CABP1: variants seen among roughly 807,000 people sequenced by gnomAD.
CABP1 encodes calcium-binding protein 1.
A neutral mutation model predicts 34.3 loss-of-function variants in CABP1; 17 were observed. The ratio of observed to expected loss-of-function variants is 0.50; its 90% CI spans 0.34 to 0.74. CABP1 has a LOEUF of 0.74. Among genes scored for constraint, CABP1 ranks in the 30% least tolerant of loss-of-function variants. The pLI is 0.01. For missense variants in CABP1, 373 were observed against 511.1 expected (o/e 0.73, Z 2.61); for synonymous variants, 198 against 229.2 (o/e 0.86, Z 1.23).
In CABP1 at chr12:120,640,777, G is replaced by A; in HGVS notation, c.92G>A (p.Arg31His). The A allele has an allele frequency of 1.7e-6, 2 of 1,146,188 alleles. No homozygotes were observed. Among genetic ancestry groups the A allele is most frequent in the Non-Finnish European group, 2.1e-6 (2 of 933,644 alleles). 71.0% of individuals were successfully genotyped at this position (1,146,188 alleles called of 1,614,324 possible). The change falls in exon 1 of 6, where the codon CGT becomes CAT. Residue 31 changes from arginine (R) to histidine (H), a missense_variant. Transcript: ENST00000316803. This position sits in a 1 kb window ranked among gnomAD's most constrained non-coding sequence, Gnocchi z 6.2. Reference sequence around the variant, plus strand: ...GGGCTTGGCTCCCGCCGGGAGCCCCGTTCTCTGCCCGCCGGGGGCCCCGCG... The same window carrying A: ...GGGCTTGGCTCCCGCCGGGAGCCCCATTCTCTGCCCGCCGGGGGCCCCGCG... ...VLGLGSRREP[R>H]SLPAGGPAPR...
chr12:120,660,579 C>T lies in CABP1; in HGVS notation c.830-152C>T, dbSNP rs1035941280. On this transcript the variant is annotated intron_variant, in intron 3 of 5. Transcript: ENST00000316803. This position sits in a 1 kb window ranked among gnomAD's most constrained non-coding sequence, Gnocchi z 5.0. ...GTAAAACAGCCCAATAACTGGCTCA[C>T]AGGAAGAACTGAACAGAGGGCTCTT... is the stretch of plus-strand genomic sequence containing the variant. 9.5e-6 allele frequency: 7 copies of T among 733,594 alleles called. No homozygotes were observed. Among genetic ancestry groups the T allele is most frequent in the Non-Finnish European group, 9.6e-6 (4 of 417,640 alleles). 45.4% of individuals were successfully genotyped at this position (733,594 alleles called of 1,614,324 possible).
At chr12:120,662,575 A>G (rs1408463593) in intron 5 of CABP1, among the ~76,000 whole-genome samples, 2 of 149,426 alleles carry the variant, frequency 1.3e-5, no homozygotes, top group Non-Finnish European at 3.0e-5. Context: ...TGACCAGGCT[A>G]GTCTTGAACT....
At chr12:120,675,012 G>C in the CABP1 span, among the ~76,000 whole-genome samples, 1 of 151,808 alleles carries the variant, frequency 6.6e-6, no homozygotes, top group Non-Finnish European at 1.5e-5. Flanking sequence ...TGTGTGAAGG[G>C]AGTCCCTCAC....
rs576972518 is a variant in CABP1 at position 120,661,972 on chromosome 12, A to G, written c.1087+754A>G. On this transcript the variant is annotated intron_variant, in intron 5 of 5. Transcript: ENST00000316803. The surrounding 1 kb of genome is among the most constrained non-coding windows in gnomAD (Gnocchi z 5.1). ...GATCTCTCTATGTGTTCACACTTCT[A>G]TACTTCCATTCACACATTCATGTCT... The G allele has an allele frequency of 1.3e-5, 2 of 152,366 alleles. No homozygotes were observed. Among genetic ancestry groups the G allele is most frequent in the East Asian group, 1.9e-4 (1 of 5,192 alleles). The allele number at this position is 152,366 out of a possible 1,614,324, so 9.4% of individuals were successfully genotyped here.
At chr12:120,659,616 C>A in intron 1 of CABP1, 1 of 437,654 alleles carries the variant, frequency 2.3e-6, no homozygotes, top group African/African-American at 2.0e-5. Flanking sequence ...GAACAAGGGG[C>A]TGGAGGCACA....
chr12:120,645,105 A>T (rs1879489542), intron 1 of CABP1, among the ~76,000 whole-genome samples: 1 of 152,178 alleles, frequency 6.6e-6, no homozygotes, highest in African/African-American at 2.4e-5. Flanking sequence ...ACGCCCGGCC[A>T]GTTCCTGTGG....
intron 1 of CABP1, among the ~76,000 whole-genome samples, chr12:120,646,111 C>T (rs1284471540): frequency 2.0e-5 from 3 of 152,156 alleles, no homozygotes; most frequent in South Asian, 2.1e-4. Flanking sequence ...TGCCTGCCTC[C>T]GAAAATACCT....
chr12:120,642,811 C>G (rs1879397605), intron 1 of CABP1, among the ~76,000 whole-genome samples: 1 of 151,714 alleles, frequency 6.6e-6, no homozygotes. Context: ...ATTAAGGAAA[C>G]CTTCAGGGGT....
At chr12:120,666,849 C>A in intron 5 of CABP1, 26 bp from the exon 6 acceptor site, 1 of 1,598,902 alleles carries the variant, frequency 6.3e-7, no homozygotes. Flanking sequence ...GCTGCTTGCT[C>A]CCCAGCTGCT....
chr12:120,647,746 T>A (rs1382834292), intron 1 of CABP1, among the ~76,000 whole-genome samples: 17 of 145,616 alleles, frequency 1.2e-4, no homozygotes, highest in African/African-American at 4.0e-4. Context: ...TTTTGTATTT[T>A]TTTTTTTTTT....
the CABP1 span, among the ~76,000 whole-genome samples, chr12:120,675,999 C>G: frequency 1.6e-3 from 240 of 152,274 alleles, 1 homozygote; most frequent in African/African-American, 5.4e-3. Flanking sequence ...TCGCTTGAAC[C>G]TGGGAGGTGG....
At chr12:120,649,206 A>G (rs1228546901) in intron 1 of CABP1, among the ~76,000 whole-genome samples, 1 of 152,160 alleles carries the variant, frequency 6.6e-6, no homozygotes, top group Non-Finnish European at 1.5e-5. Context: ...CCTAGGAGTG[A>G]GCACCCTCTG....
At position 120,656,456 on chromosome 12, in the gene CABP1, G is replaced by GATGATA. The variant is rs1555235785; in HGVS notation, c.655-3420_655-3419insGATAAT. On this transcript the variant is annotated intron_variant, in intron 1 of 5. Transcript: ENST00000316803. ...TATCCACGAGCAAAATAATGATGAT[G>GATGATA]ATAATAATAATAATAATATCAGATA... is the stretch of plus-strand genomic sequence containing the variant. 1.9e-3 allele frequency among the ~76,000 whole-genome samples: 282 copies of GATGATA among 152,010 alleles called. 3 individuals carry two copies. The East Asian group carries it at 0.032, about 17-fold the overall frequency.
At position 120,640,797 on chromosome 12, in the gene CABP1, C is replaced by CCCGCG. The variant is rs996170954; in HGVS notation, c.122_126dup (p.Thr43AlafsTer18). 217 of 1,111,806 alleles carry CCCGCG rather than the reference C, an allele frequency of 2.0e-4. 1 individual carries two copies. The highest frequency in any genetic ancestry group is 3.8e-4 in the Middle Eastern group (1 of 2,604). The allele number at this position is 1,111,806 out of a possible 1,614,324, so 68.9% of individuals were successfully genotyped here. On this transcript the variant is annotated frameshift_variant, in exon 1 of 6. Coordinates refer to ENST00000316803, the MANE Select transcript of CABP1 (RefSeq NM_001033677.2). LOFTEE classifies it high-confidence loss of function. This position sits in a 1 kb window ranked among gnomAD's most constrained non-coding sequence, Gnocchi z 6.2. Reference sequence around the variant, plus strand: ...GCCCCGTTCTCTGCCCGCCGGGGGCCCCGCGCCGCGCCGCACCGCGCCGCC... The same window carrying CCCGCG: ...GCCCCGTTCTCTGCCCGCCGGGGGCCCCGCGCCGCGCCGCGCCGCACCGCGCCGCC...
At chr12:120,652,327 G>A (rs1879896717) in intron 1 of CABP1, among the ~76,000 whole-genome samples, 1 of 151,816 alleles carries the variant, frequency 6.6e-6, no homozygotes, top group Non-Finnish European at 1.5e-5. Context: ...ACTTACTGCA[G>A]TCAATTTCGT....
chr12:120,655,845 G>A (rs1216801617), intron 1 of CABP1: 1 of 1,528,406 alleles, frequency 6.5e-7, no homozygotes, highest in East Asian at 2.5e-5. Context: ...GTGTGTGTGT[G>A]TGTGTGCGCA....
At chr12:120,654,588 G>A (rs534445817) in intron 1 of CABP1, among the ~76,000 whole-genome samples, 2 of 152,336 alleles carry the variant, frequency 1.3e-5, no homozygotes, top group South Asian at 2.1e-4. Flanking sequence ...TCCTTGGGAA[G>A]GTCCTACTCT....
chr12:120,650,608 G>C, intron 1 of CABP1: 1 of 1,613,772 alleles, frequency 6.2e-7, no homozygotes, highest in South Asian at 1.1e-5. Context: ...ATGGACCCGG[G>C]GATCCCAAGA....
At chr12:120,643,690 C>T (rs1437256644) in intron 1 of CABP1, among the ~76,000 whole-genome samples, 1 of 152,226 alleles carries the variant, frequency 6.6e-6, no homozygotes. Context: ...TTCAGCCTCC[C>T]AAAGTGCTGG....
Sources: allele counts gnomAD v4.1 joint callset (sites outside exome capture counted in the v4.1 genomes callset), GRCh38; gene constraint gnomAD v4.1.1; non-coding constraint Gnocchi (gnomAD v3.1); transcripts MANE v1.5; gene names NCBI Gene and HGNC (gene_info 2026-07-23, HGNC 2026-07-21).